The following BIRC3 variants were observed in gnomAD, a reference collection of about 807,000 sequenced individuals.
BIRC3 encodes the protein baculoviral IAP repeat containing 3.
A neutral mutation model predicts 59.0 loss-of-function variants in BIRC3; 26 were observed. That is an observed-to-expected ratio of 0.44 (90% CI 0.32 to 0.61). BIRC3 has a LOEUF of 0.61. Among genes scored for constraint, BIRC3 ranks in the 20% least tolerant of loss-of-function variants. The pLI, the probability that BIRC3 is intolerant of heterozygous loss-of-function variation, is 0.04. For missense variants in BIRC3, 641 were observed against 711.5 expected (o/e 0.90, Z 1.13); for synonymous variants, 243 against 249.2 (o/e 0.98, Z 0.24).
In BIRC3 at chr11:102,336,158, C is replaced by T. The variant is rs1164390031; in HGVS notation, c.1517C>T (p.Ala506Val). The T allele has an allele frequency of 6.2e-7, 1 of 1,613,842 alleles. No homozygotes were observed. Among genetic ancestry groups the T allele is most frequent in the South Asian group, 1.1e-5 (1 of 91,056 alleles). ...IDTILVKGNI[A>V]ATVFRNSLQE... Reference sequence around the variant, plus strand: ...ACGATTTTAGTAAAAGGAAATATTGCAGCCACTGTATTCAGAAACTCTCTG... The same window carrying T: ...ACGATTTTAGTAAAAGGAAATATTGTAGCCACTGTATTCAGAAACTCTCTG... The change falls in exon 7 of 9, where the codon GCA becomes GTA. Residue 506 changes from alanine to valine, a missense_variant. By Grantham distance (64) the Ala-to-Val change is moderately conservative. This residue lies in a region of BIRC3 where 268 missense variants were observed against 255.7 expected (regional missense o/e 1.05). Transcript: ENST00000263464.
At chr11:102,318,541 A>G (rs1251583301) in intron 1 of BIRC3, among the ~76,000 whole-genome samples, 1 of 152,226 alleles carries the variant, frequency 6.6e-6, no homozygotes, top group African/African-American at 2.4e-5. Flanking sequence ...ACATATTAAT[A>G]GTTGCCATTC....
chr11:102,336,671 T>C lies in BIRC3; in HGVS notation c.1580-89T>C, dbSNP rs553798491. ...TTGCCTTGAAATGAGTATTTGGCTA[T>C]AGTCTAAAGTGTTCATTTTTAAAAT... On this transcript the variant is annotated intron_variant, in intron 7 of 8. Transcript: ENST00000263464. 7.6e-5 allele frequency: 92 copies of C among 1,206,774 alleles called. No homozygotes were observed. In the African/African-American group the frequency reaches 1.1e-3, roughly 14 times the overall value. 74.8% of individuals were successfully genotyped at this position (1,206,774 alleles called of 1,614,324 possible). A position where few individuals can be genotyped will look rare whatever the true frequency, so the allele number is the denominator to read the frequency against.
rs1438152538 is a variant in BIRC3 at position 102,324,603 on chromosome 11, C to T, written c.94C>T (p.Arg32Ter). ...ATACGACTTGTCATGTGAACTGTACCGAATGTCTACGTATTCCACTTTTCC... is the reference window on the plus strand; with the variant it reads ...ATACGACTTGTCATGTGAACTGTACTGAATGTCTACGTATTCCACTTTTCC... Reference protein sequence around the residue: ...LKYDLSCELYRMSTYSTFPAG... With the variant: ...LKYDLSCELY Residue 32 changes from arginine (R) to a stop codon, truncating the protein, a stop_gained, in exon 2 of 9, where the codon CGA becomes TGA. Transcript: ENST00000263464. LOFTEE classifies it high-confidence loss of function. 2 of 1,613,964 alleles carry T rather than the reference C, an allele frequency of 1.2e-6. No individual in the cohort carries two copies. Among genetic ancestry groups the T allele is most frequent in the East Asian group, 2.2e-5 (1 of 44,892 alleles).
chr11:102,317,886 G>A (rs1390390799), intron 1 of BIRC3, among the ~76,000 whole-genome samples: 1 of 152,220 alleles, frequency 6.6e-6, no homozygotes, highest in Non-Finnish European at 1.5e-5. Context: ...GGCCTTTGCA[G>A]GTGCCAAATA....
At chr11:102,329,090 C>A in intron 5 of BIRC3, 145 bp downstream of exon 5, 1 of 402,258 alleles carries the variant, frequency 2.5e-6, no homozygotes, top group South Asian at 4.0e-5. Context: ...TGGTATTTCC[C>A]AAACTTCAGT....
chr11:102,319,070 G>C (rs1951003826), intron 1 of BIRC3, among the ~76,000 whole-genome samples: 1 of 139,904 alleles, frequency 7.1e-6, no homozygotes, highest in Non-Finnish European at 1.5e-5. Context: ...TTGAGACAGA[G>C]TCTCACTCTG....
intron 1 of BIRC3, among the ~76,000 whole-genome samples, chr11:102,319,359 A>T (rs184370993): frequency 4.6e-5 from 7 of 152,260 alleles, no homozygotes; most frequent in Non-Finnish European, 8.8e-5. Flanking sequence ...AGAGAATTTT[A>T]AAAATTTCTT....
chr11:102,335,934 A>G (rs1356388971), intron 6 of BIRC3, 32 bp from the exon 7 acceptor site: 1 of 1,580,574 alleles, frequency 6.3e-7, no homozygotes, highest in South Asian at 1.2e-5. Flanking sequence ...CAGAGTTTGA[A>G]CATGTTTATG....
intron 6 of BIRC3, among the ~76,000 whole-genome samples, chr11:102,332,496 G>A (rs1260646678): frequency 6.6e-6 from 1 of 152,176 alleles, no homozygotes; most frequent in Non-Finnish European, 1.5e-5. Context: ...GTTTACACAA[G>A]TCACTAGGAA....
intron 1 of BIRC3, among the ~76,000 whole-genome samples, chr11:102,321,071 A>C (rs115278207): frequency 4.7e-4 from 71 of 152,370 alleles, no homozygotes; most frequent in African/African-American, 1.7e-3. Flanking sequence ...GTCCAAGAAA[A>C]AAATGGATTT....
chr11:102,333,472 G>A (rs1951165210), intron 6 of BIRC3, among the ~76,000 whole-genome samples: 1 of 151,820 alleles, frequency 6.6e-6, no homozygotes, highest in Admixed American at 6.6e-5. Context: ...AGGCTGAGGT[G>A]GGAGGACCAC....
intron 1 of BIRC3, chr11:102,320,498 C>T (rs1177193943): frequency 6.6e-6 from 1 of 152,174 alleles, no homozygotes; most frequent in African/African-American, 2.4e-5. Flanking sequence ...CACCTGGGCT[C>T]AAGCAATCCA....
chr11:102,319,112 C>A (rs17879733), intron 1 of BIRC3, among the ~76,000 whole-genome samples: 1 of 148,690 alleles, frequency 6.7e-6, no homozygotes, highest in African/African-American at 2.5e-5. Context: ...GGTGCAGTCT[C>A]GGCTTACTGC....
intron 3 of BIRC3, among the ~76,000 whole-genome samples, chr11:102,327,291 A>G (rs753462616): frequency 4.6e-5 from 7 of 152,212 alleles, no homozygotes; most frequent in Admixed American, 2.0e-4. Context: ...TAGCCAGTCT[A>G]CAAATGGCTG....
Position 102,325,483 on chromosome 11 carries a change from A to C in BIRC3, c.871A>C (p.Lys291Gln). 1 of 1,612,524 alleles carries C rather than the reference A, an allele frequency of 6.2e-7. No homozygotes were observed. Among genetic ancestry groups the C allele is most frequent in the Non-Finnish European group, 8.5e-7 (1 of 1,179,114 alleles). The change falls in exon 3 of 9, where the codon AAA (lysine) becomes CAA (glutamine). Residue 291 changes from lysine (K) to glutamine (Q), a missense_variant. Physicochemically the swap from Lys to Gln is moderately conservative, Grantham distance 53. Coordinates refer to ENST00000263464, the MANE Select transcript of BIRC3 (RefSeq NM_001165.5). Reference sequence around the variant, plus strand: ...AATTTTAGGTAACAGTGATGATGTCAAATGCTTTTGCTGTGATGGTGGACT... The same window carrying C: ...AATTTTAGGTAACAGTGATGATGTCCAATGCTTTTGCTGTGATGGTGGACT... ...FYYVGNSDDV[K>Q]CFCCDGGLRC... is the part of the protein sequence containing the mutation.
rs562056022 is a variant in BIRC3, at chr11:102,321,856, G to A, written c.-2654G>A. 6.2e-5 allele frequency: 11 copies of A among 177,384 alleles called. No individual in the cohort carries two copies. Among genetic ancestry groups the A allele is most frequent in the African/African-American group, 1.2e-4 (5 of 42,318 alleles). The allele number at this position is 177,384 out of a possible 1,614,324, so 11.0% of individuals were successfully genotyped here. On this transcript the variant is annotated 5_prime_UTR_variant, in exon 2 of 9. Coordinates refer to ENST00000263464, the MANE Select transcript of BIRC3 (RefSeq NM_001165.5). ...GAACAGGTTTACAAAGGAGGAAAAC[G>A]ACTTCTTCTAGATTTTTTTTTCAGT...
intron 3 of BIRC3, chr11:102,326,669 G>A: frequency 6.6e-6 from 3 of 453,458 alleles, no homozygotes; most frequent in Admixed American, 4.7e-5. Context: ...GGTTAATATC[G>A]ATTAATAAAT....
At position 102,325,315 on chromosome 11, in the gene BIRC3, T is replaced by C; in HGVS notation, c.806T>C (p.Val269Ala). The C allele has an allele frequency of 6.2e-7, 1 of 1,613,542 alleles. No homozygotes were observed. Among genetic ancestry groups the C allele is most frequent in the Non-Finnish European group, 8.5e-7 (1 of 1,179,728 alleles). Residue 269 changes from valine (V) to alanine (A), a missense_variant, in exon 2 of 9, where the codon GTT becomes GCT. Coordinates refer to ENST00000263464, the MANE Select transcript of BIRC3 (RefSeq NM_001165.5). Reference sequence around the variant, plus strand: ...ACATTCTTTAACTGGCCCTCTAGTGTTCTAGTTAATCCTGAGCAGCTTGCA... The same window carrying C: ...ACATTCTTTAACTGGCCCTCTAGTGCTCTAGTTAATCCTGAGCAGCTTGCA... ...FKTFFNWPSSVLVNPEQLASA... is the reference protein window; with the variant it reads ...FKTFFNWPSSALVNPEQLASA...
intron 1 of BIRC3, among the ~76,000 whole-genome samples, chr11:102,319,720 A>G (rs1162136880): frequency 6.6e-6 from 1 of 152,162 alleles, no homozygotes; most frequent in Non-Finnish European, 1.5e-5. Flanking sequence ...GGCATGGGCT[A>G]GGGAGCTGAG....
Sources: gnomAD v4.1 joint callset for allele counts (sites outside exome capture counted in the v4.1 genomes callset) on GRCh38, gnomAD v4.1.1 for gene constraint, gnomAD v4.1.1 regional missense constraint, MANE v1.5 for transcripts, NCBI Gene and HGNC (gene_info 2026-07-23, HGNC 2026-07-21) for gene names.